The following RUFY3 variants were observed in gnomAD, a reference collection of about 807,000 sequenced individuals.
The protein encoded by RUFY3 is protein RUFY3.
RUFY3 carries 34 observed loss-of-function variants against 84.0 expected under a neutral mutation model. The ratio of observed to expected loss-of-function variants is 0.40; its 90% CI spans 0.31 to 0.54. RUFY3 has a LOEUF of 0.54. Ranked by LOEUF, RUFY3 falls within the 20% of genes least tolerant of loss-of-function variation. The pLI is 0.39. For missense variants in RUFY3, 507 were observed against 736.8 expected, an observed-to-expected ratio of 0.69 and a Z score of 3.61; for synonymous variants, 242 against 252.9, an observed-to-expected ratio of 0.96 and a Z score of 0.41.
intron 17 of RUFY3, among the ~76,000 whole-genome samples, chr4:70,805,237 C>A (rs1445850743): frequency 6.6e-6 from 1 of 152,244 alleles, no homozygotes; most frequent in African/African-American, 2.4e-5. Flanking sequence ...CTGCTCAGAA[C>A]AGGATATGAG....
intron 10 of RUFY3, among the ~76,000 whole-genome samples, chr4:70,787,392 G>A (rs1730083958): frequency 6.6e-6 from 1 of 150,738 alleles, no homozygotes. Context: ...TGAATGGCTG[G>A]AATTACAGGC....
In RUFY3 at chr4:70,727,795, A is replaced by G. The variant is rs111263662; in HGVS notation, c.178+5044A>G. Reference sequence around the variant, plus strand: ...AGAGAGAAACTCTGTCTCAAAAAAAAAAAAAAAGATTTTTTTAAAGAAATT... The same window carrying G: ...AGAGAGAAACTCTGTCTCAAAAAAAGAAAAAAAGATTTTTTTAAAGAAATT... On this transcript the variant is annotated intron_variant, in intron 1 of 17. Coordinates refer to ENST00000381006, the MANE Select transcript of RUFY3 (RefSeq NM_001037442.4). 3.1e-3 allele frequency among the ~76,000 whole-genome samples: 473 copies of G among 152,036 alleles called. 2 individuals are homozygous for G. The highest frequency in any genetic ancestry group is 4.8e-3 in the Non-Finnish European group (323 of 67,968).
intron 13 of RUFY3, 114 bp from the exon 14 acceptor site, chr4:70,794,681 A>G: frequency 1.4e-6 from 1 of 706,348 alleles, no homozygotes; most frequent in Non-Finnish European, 2.5e-6. Flanking sequence ...TCTGACAGCA[A>G]GCCCTTAACC....
Position 70,722,532 on chromosome 4 carries a change from T to A in RUFY3, c.-42T>A. On this transcript the variant is annotated 5_prime_UTR_variant, in exon 1 of 18. Transcript: ENST00000381006. ...TTTTTTTGGTGTGTGTGTGTGAGTG[T>A]GTGTGTGTCTGTGTGTGTGTTGTGG... 1 of 1,587,634 alleles carries A rather than the reference T, an allele frequency of 6.3e-7. No homozygotes were observed. Among genetic ancestry groups the A allele is most frequent in the Non-Finnish European group, 8.6e-7 (1 of 1,163,768 alleles).
intron 10 of RUFY3, among the ~76,000 whole-genome samples, chr4:70,787,220 A>T (rs1243113366): frequency 7.1e-6 from 1 of 140,674 alleles, no homozygotes; most frequent in Admixed American, 7.2e-5. Context: ...ATATAAAAAC[A>T]AATTGACAGT....
chr4:70,744,357 T>TG (rs59233681), intron 1 of RUFY3, among the ~76,000 whole-genome samples: 2,855 of 149,676 alleles, frequency 0.019, 118 homozygotes, highest in African/African-American at 0.067. Context: ...CTGGCTAATT[T>TG]TTATGTATGT....
chr4:70,743,895 A>G (rs915092750), intron 1 of RUFY3, among the ~76,000 whole-genome samples: 2 of 152,156 alleles, frequency 1.3e-5, no homozygotes, highest in Non-Finnish European at 2.9e-5. Flanking sequence ...TTCTTGCCTC[A>G]TGGTCTCAAT....
intron 1 of RUFY3, among the ~76,000 whole-genome samples, chr4:70,709,862 A>G (rs948041493): frequency 6.6e-6 from 1 of 152,216 alleles, no homozygotes; most frequent in African/African-American, 2.4e-5. Context: ...CTCCCAGTTA[A>G]GGCAGTGTCC....
At chr4:70,806,040 C>CTA (rs1732801995) in intron 17 of RUFY3, among the ~76,000 whole-genome samples, 1 of 152,180 alleles carries the variant, frequency 6.6e-6, no homozygotes, top group Non-Finnish European at 1.5e-5. Context: ...GATGTGCTTA[C>CTA]AGAGCACCAG....
At chr4:70,724,107 A>G (rs1348855863) in intron 1 of RUFY3, among the ~76,000 whole-genome samples, 5 of 152,208 alleles carry the variant, frequency 3.3e-5, no homozygotes, top group South Asian at 2.1e-4. Context: ...CTGAAATTCC[A>G]TGCAATGCCA....
At chr4:70,745,194 T>C (rs2148658035) in intron 1 of RUFY3, among the ~76,000 whole-genome samples, 1 of 152,310 alleles carries the variant, frequency 6.6e-6, no homozygotes, top group Admixed American at 6.5e-5. Context: ...TCCACCCGCC[T>C]TGGCCTCCCA....
chr4:70,788,227 G>A (rs1449432971), intron 10 of RUFY3, among the ~76,000 whole-genome samples: 2 of 151,744 alleles, frequency 1.3e-5, no homozygotes, highest in Admixed American at 6.6e-5. Context: ...GGAGGTTGCA[G>A]TGAGCCAAGA....
At chr4:70,741,835 A>T (rs891544640) in intron 1 of RUFY3, among the ~76,000 whole-genome samples, 2 of 152,228 alleles carry the variant, frequency 1.3e-5, no homozygotes, top group African/African-American at 2.4e-5. Context: ...TCCAAGTAAA[A>T]TAGTGTCAAT....
intron 1 of RUFY3, among the ~76,000 whole-genome samples, chr4:70,728,064 C>A (rs1718593775): frequency 6.6e-6 from 1 of 152,118 alleles, no homozygotes; most frequent in Non-Finnish European, 1.5e-5. Context: ...ACTACAGATA[C>A]CCCTTGAATT....
At chr4:70,748,772 G>A (rs945713019) in intron 1 of RUFY3, among the ~76,000 whole-genome samples, 1 of 152,126 alleles carries the variant, frequency 6.6e-6, no homozygotes, top group African/African-American at 2.4e-5. Flanking sequence ...GGCCAAGTTG[G>A]GAGAACCCAT....
At chr4:70,727,348 TA>T (rs1199525535) in intron 1 of RUFY3, among the ~76,000 whole-genome samples, 1 of 146,304 alleles carries the variant, frequency 6.8e-6, no homozygotes, top group Non-Finnish European at 1.5e-5. Context: ...ATCAGGAAAG[TA>T]ATAACTTTTT....
chr4:70,720,733 C>T (rs1742175987), upstream of RUFY3, among the ~76,000 whole-genome samples: 1 of 152,076 alleles, frequency 6.6e-6, no homozygotes, highest in Admixed American at 6.5e-5. Context: ...AATTGGAACC[C>T]TTCAATACAA....
intron 1 of RUFY3, among the ~76,000 whole-genome samples, chr4:70,737,281 G>A (rs891162768): frequency 6.6e-6 from 1 of 151,972 alleles, no homozygotes; most frequent in African/African-American, 2.4e-5. Flanking sequence ...GCAAAAGAGA[G>A]TTTTTACTGT....
At chr4:70,730,100 A>G (rs901123204) in intron 1 of RUFY3, among the ~76,000 whole-genome samples, 2 of 151,948 alleles carry the variant, frequency 1.3e-5, no homozygotes, top group Non-Finnish European at 2.9e-5. Context: ...ATTTCTGGCT[A>G]ATTTCTGTAT....
Sources: allele counts gnomAD v4.1 joint callset (sites outside exome capture counted in the v4.1 genomes callset), GRCh38; gene constraint gnomAD v4.1.1; transcripts MANE v1.5; gene names NCBI Gene and HGNC (gene_info 2026-07-23, HGNC 2026-07-21).